UBE2Z: variants seen among roughly 807,000 people sequenced by gnomAD.
The protein encoded by UBE2Z is ubiquitin-conjugating enzyme E2 Z.
UBE2Z carries 10 observed loss-of-function variants against 32.6 expected under a neutral mutation model. The observed-to-expected ratio is 0.31, with a 90% CI of 0.19 to 0.52. The LOEUF (loss-of-function observed/expected upper bound fraction) is 0.52, where lower values mean the gene tolerates loss of function less well. Among genes scored for constraint, UBE2Z ranks in the 20% least tolerant of loss-of-function variants. The probability of loss-of-function intolerance (pLI) is 0.97; values close to 1 mark genes in which losing one functional copy is unlikely to be tolerated. For synonymous variants in UBE2Z, 183 were observed against 190.8 expected (o/e 0.96, Z 0.34); for missense variants, 343 against 480.9 (o/e 0.71, Z 2.68).
At chr17:48,916,503 G>A (rs946746180) in intron 4 of UBE2Z, among the ~76,000 whole-genome samples, 1 of 151,360 alleles carries the variant, frequency 6.6e-6, no homozygotes, top group Non-Finnish European at 1.5e-5. Flanking sequence ...CGCCTGCCTC[G>A]GCCTCCCAGA....
chr17:48,908,650 G>GGCGGCA lies in UBE2Z; in HGVS notation c.152_157dup (p.Ala51_Ala52dup), dbSNP rs2040647641. On this transcript the variant is annotated inframe_insertion, in exon 1 of 7. Transcript: ENST00000360943. ...TCCTGCCGGATGTGTGGGCGGCGGC[G>GGCGGCA]GCGGCAGCGGGCGGGGCCGGGGGCC... is the stretch of plus-strand genomic sequence containing the variant. 1 of 1,222,080 alleles carries GGCGGCA rather than the reference G, an allele frequency of 8.2e-7. No homozygotes were observed. The highest frequency in any genetic ancestry group is 1.0e-6 in the Non-Finnish European group (1 of 980,448). 75.7% of individuals were successfully genotyped at this position (1,222,080 alleles called of 1,614,324 possible).
At chr17:48,908,908 C>CA in intron 1 of UBE2Z, 88 bp downstream of exon 1, 1 of 1,042,586 alleles carries the variant, frequency 9.6e-7, no homozygotes. Context: ...ACTCACCCCC[C>CA]ACCCACTGCG....
At chr17:48,922,819 C>G (rs752946359) in intron 5 of UBE2Z, 28 bp from the exon 6 acceptor site, 1 of 1,593,806 alleles carries the variant, frequency 6.3e-7, no homozygotes, top group South Asian at 1.1e-5. Flanking sequence ...CTGGGTTTCT[C>G]ACTTACACTT....
At chr17:48,926,879 C>T (rs1446616184) in intron 6 of UBE2Z, 85 bp from the exon 7 acceptor site, 1 of 1,439,382 alleles carries the variant, frequency 6.9e-7, no homozygotes, top group Admixed American at 2.3e-5. Flanking sequence ...GTTGAGCTTT[C>T]ATTTCACATG....
At chr17:48,911,540 T>C (rs984803392) in intron 2 of UBE2Z, 1 of 152,272 alleles carries the variant, frequency 6.6e-6, no homozygotes, top group African/African-American at 2.4e-5. Context: ...GAAATCATAT[T>C]TCCTAAACCT....
Position 48,922,932 on chromosome 17 carries a change from A to G in UBE2Z, c.889A>G (p.Met297Val), listed in dbSNP as rs1395728424. 1 of 1,610,860 alleles carries G rather than the reference A, an allele frequency of 6.2e-7. No individual in the cohort carries two copies. Among genetic ancestry groups the G allele is most frequent in the Non-Finnish European group, 8.5e-7 (1 of 1,178,344 alleles). Residue 297 changes from methionine to valine, a missense_variant, in exon 6 of 7, where the codon ATG becomes GTG. Physicochemically the swap from Met to Val is conservative, Grantham distance 21. Coordinates refer to ENST00000360943, the MANE Select transcript of UBE2Z (RefSeq NM_023079.5). ...KDRLHLQGQT[M>V]QDPFGEKRGH... is the part of the protein sequence containing the mutation. ...TCGCCTGCACCTTCAAGGCCAAACT[A>G]TGCAGGTAATACAACCCCTGCTGCT... is the stretch of plus-strand genomic sequence containing the variant.
At chr17:48,912,514 CA>C (rs763993307) in intron 2 of UBE2Z, 5,666 of 224,202 alleles carry the variant, frequency 0.025, 7 homozygotes, top group South Asian at 0.034. Flanking sequence ...GAGGTCTGCA[CA>C]AAAAAAAAAA....
At chr17:48,918,893 C>T (rs1184982295) in intron 4 of UBE2Z, among the ~76,000 whole-genome samples, 1 of 151,782 alleles carries the variant, frequency 6.6e-6, no homozygotes, top group East Asian at 1.9e-4. Flanking sequence ...ATTACAGGCA[C>T]ACACCATGAC....
chr17:48,911,991 A>T (rs1022542459), intron 2 of UBE2Z: 2 of 151,918 alleles, frequency 1.3e-5, no homozygotes, highest in Non-Finnish European at 2.9e-5. Context: ...CAGGGGGGGA[A>T]ATCCTGTTGA....
intron 3 of UBE2Z, 145 bp downstream of exon 3, chr17:48,913,166 G>A (rs1457669406): frequency 1.2e-6 from 1 of 804,088 alleles, no homozygotes; most frequent in Non-Finnish European, 2.0e-6. Flanking sequence ...AGGATGGTAT[G>A]TGACTAGTAT....
intron 4 of UBE2Z, among the ~76,000 whole-genome samples, chr17:48,917,860 C>G (rs989389093): frequency 6.6e-6 from 1 of 152,178 alleles, no homozygotes; most frequent in Non-Finnish European, 1.5e-5. Context: ...TCCTGAATTA[C>G]TCATGAGCAC....
Position 48,922,763 on chromosome 17 carries a change from T to C in UBE2Z, c.804-84T>C, listed in dbSNP as rs568067242. On this transcript the variant is annotated intron_variant, in intron 5 of 6. Coordinates refer to ENST00000360943, the MANE Select transcript of UBE2Z (RefSeq NM_023079.5). The stretch of plus-strand genomic sequence containing the variant: ...ACATGGGCTACAGAGCAAGACTCCA[T>C]CTGAAAAAAAAAAAAGGTTAGGTAA... 103 of 1,059,922 alleles carry C rather than the reference T, an allele frequency of 9.7e-5. 1 individual carries two copies. The South Asian group carries it at 1.6e-3, about 16-fold the overall frequency. 65.7% of individuals were successfully genotyped at this position (1,059,922 alleles called of 1,614,324 possible).
In UBE2Z at chr17:48,908,683, C is replaced by G; in HGVS notation, c.180C>G (p.Ser60Arg). Residue 60 changes from serine (S) to arginine (R), a missense_variant, in exon 1 of 7, where the codon AGC (serine) becomes AGG (arginine). Physicochemically the swap from Ser to Arg is moderately radical, Grantham distance 110. This residue lies in a region of UBE2Z where 103 missense variants were observed against 96.2 expected (regional missense o/e 1.07). Coordinates refer to ENST00000360943, the MANE Select transcript of UBE2Z (RefSeq NM_023079.5). ...CGGGCGGGGCCGGGGGCCCGGGGAG[C>G]GGCCTGGCTCCGCTGCCCGGGCTCC... ...AAAGGAGGPG[S>R]GLAPLPGLPP... 1 of 1,228,818 alleles carries G rather than the reference C, an allele frequency of 8.1e-7. No individual in the cohort carries two copies. The highest frequency in any genetic ancestry group is 1.0e-6 in the Non-Finnish European group (1 of 986,602). The allele number at this position is 1,228,818 out of a possible 1,614,324, so 76.1% of individuals were successfully genotyped here.
chr17:48,917,457 C>T (rs1162929032), intron 4 of UBE2Z, among the ~76,000 whole-genome samples: 1 of 151,970 alleles, frequency 6.6e-6, no homozygotes, highest in African/African-American at 2.4e-5. Context: ...GTTCTATGTG[C>T]CTATATTCTC....
At chr17:48,916,249 G>GT in intron 4 of UBE2Z, 62 bp downstream of exon 4, 1 of 660,276 alleles carries the variant, frequency 1.5e-6, no homozygotes, top group Non-Finnish European at 2.2e-6. Context: ...TTGGTTGGTT[G>GT]GTTTTTTTGT....
intron 3 of UBE2Z, among the ~76,000 whole-genome samples, chr17:48,914,202 G>T (rs185808369): frequency 6.6e-6 from 1 of 152,086 alleles, no homozygotes; most frequent in South Asian, 2.1e-4. Context: ...ACATCTTCTC[G>T]CATATTTTGG....
At chr17:48,919,589 A>G (rs977535037) in intron 4 of UBE2Z, among the ~76,000 whole-genome samples, 20 of 151,992 alleles carry the variant, frequency 1.3e-4, no homozygotes, top group African/African-American at 4.8e-4. Context: ...CCATCCTCTC[A>G]CCTCAGCCTT....
In UBE2Z at chr17:48,910,828, A is replaced by T; in HGVS notation, c.338A>T (p.Lys113Met). 1 of 1,613,406 alleles carries T rather than the reference A, an allele frequency of 6.2e-7. No homozygotes were observed. Among genetic ancestry groups the T allele is most frequent in the Non-Finnish European group, 8.5e-7 (1 of 1,179,494 alleles). The change falls in exon 2 of 7, where the codon AAG becomes ATG. Residue 113 changes from lysine (K) to methionine (M), a missense_variant. Transcript: ENST00000360943. Reference sequence around the variant, plus strand: ...TACAGGGATATCATGTCCATTTATAAGGAGCCTCCTCCAGGAATGTTCGTT... The same window carrying T: ...TACAGGGATATCATGTCCATTTATATGGAGCCTCCTCCAGGAATGTTCGTT... ...RIKRDIMSIY[K>M]EPPPGMFVVP...
intron 4 of UBE2Z, among the ~76,000 whole-genome samples, chr17:48,919,829 T>C (rs1472223442): frequency 6.6e-6 from 1 of 152,164 alleles, no homozygotes; most frequent in Non-Finnish European, 1.5e-5. Flanking sequence ...CCTAGAGACA[T>C]ATAACAGGTA....
Sources: allele counts gnomAD v4.1 joint callset (sites outside exome capture counted in the v4.1 genomes callset), GRCh38; gene constraint gnomAD v4.1.1; regional missense constraint gnomAD v4.1.1; transcripts MANE v1.5; gene names NCBI Gene and HGNC (gene_info 2026-07-23, HGNC 2026-07-21).